RIMS2: variants seen among roughly 807,000 people sequenced by gnomAD.
The protein encoded by RIMS2 is regulating synaptic membrane exocytosis protein 2.
Under a neutral mutation model 174.4 loss-of-function variants are expected in RIMS2, and 59 were observed. The ratio of observed to expected loss-of-function variants is 0.34; its 90% CI spans 0.27 to 0.42. The LOEUF (loss-of-function observed/expected upper bound fraction) is 0.42. RIMS2 is among the 10% of genes least tolerant of loss of function. The pLI is 1.00. For missense variants in RIMS2, 1,620 were observed against 1,666.3 expected, an observed-to-expected ratio of 0.97 and a Z score of 0.48; for synonymous variants, 606 against 572.5, an observed-to-expected ratio of 1.06 and a Z score of -0.84.
At chr8:103,974,445 G>T (rs990025703) in intron 15 of RIMS2, among the ~76,000 whole-genome samples, 5 of 152,078 alleles carry the variant, frequency 3.3e-5, no homozygotes, top group Admixed American at 3.3e-4. Context: ...AAATTTTCAG[G>T]CTCTTTCCAT....
chr8:104,003,041 A>G (rs1429048981), intron 17 of RIMS2, among the ~76,000 whole-genome samples: 3 of 152,172 alleles, frequency 2.0e-5, no homozygotes, highest in East Asian at 3.8e-4. Context: ...TTATTAAAAT[A>G]TACCCTTTAT....
intron 3 of RIMS2, among the ~76,000 whole-genome samples, chr8:103,816,368 G>C (rs752284630): frequency 1.1e-4 from 16 of 152,120 alleles, no homozygotes; most frequent in African/African-American, 4.8e-5. Context: ...ATAACATGTA[G>C]GCATCCATTT....
At chr8:104,003,726 T>G (rs998900174) in intron 17 of RIMS2, among the ~76,000 whole-genome samples, 1 of 152,126 alleles carries the variant, frequency 6.6e-6, no homozygotes, top group Non-Finnish European at 1.5e-5. Context: ...AAGAATCTTA[T>G]ATACTCTTCA....
At chr8:103,655,153 G>C (rs2135936277) in intron 1 of RIMS2, among the ~76,000 whole-genome samples, 1 of 151,954 alleles carries the variant, frequency 6.6e-6, no homozygotes, top group Non-Finnish European at 1.5e-5. Context: ...CCTGAGATTT[G>C]AGGCATAGAA....
In RIMS2 at chr8:104,151,770, T is replaced by G. The variant is rs147870726; in HGVS notation, c.3335-93146T>G. Among the ~76,000 whole-genome samples the G allele has an allele frequency of 1.8e-3, 281 of 152,264 alleles. 4 individuals are homozygous for G. The highest frequency in any genetic ancestry group is 0.01 in the Middle Eastern group (3 of 294). On this transcript the variant is annotated intron_variant, in intron 19 of 23. Coordinates refer to ENST00000504942, the Ensembl canonical transcript of RIMS2. ...AGAGTTACAAAGTTTAGGTAATACTTAAACTCATGAACGTGGCTGAAATTG... is the reference window on the plus strand; with the variant it reads ...AGAGTTACAAAGTTTAGGTAATACTGAAACTCATGAACGTGGCTGAAATTG...
intron 1 of RIMS2, among the ~76,000 whole-genome samples, chr8:103,696,251 A>C (rs1447207159): frequency 2.0e-5 from 3 of 152,072 alleles, no homozygotes; most frequent in African/African-American, 7.2e-5. Context: ...AAATGAAGGA[A>C]TTCTTCATTT....
rs1172606971 is a variant in RIMS2 at position 103,876,880 on chromosome 8, A to ATTATATATATATATATATATATATAT, written c.699-8417_699-8416insTATATATATATATATATATATATATT. On this transcript the variant is annotated intron_variant, in intron 3 of 23. Coordinates refer to ENST00000504942, the Ensembl canonical transcript of RIMS2. ...CACACTATTTTATATATATATATAT[A>ATTATATATATATATATATATATATAT]TATATATATATATATATATATATAT... Among the ~76,000 whole-genome samples the ATTATATATATATATATATATATATAT allele has an allele frequency of 5.6e-5, 2 of 35,694 alleles. 1 individual carries two copies. Among genetic ancestry groups the ATTATATATATATATATATATATATAT allele is most frequent in the Non-Finnish European group, 1.3e-4 (2 of 15,634 alleles). The allele number at this position is 35,694 out of a possible 152,430, so 23.4% of individuals were successfully genotyped here. A position where few individuals can be genotyped will look rare whatever the true frequency, so the allele number is the denominator to read the frequency against.
At chr8:104,142,826 G>A (rs187466640) in intron 19 of RIMS2, among the ~76,000 whole-genome samples, 23 of 152,204 alleles carry the variant, frequency 1.5e-4, no homozygotes, top group African/African-American at 4.8e-4. Flanking sequence ...AGACACACGC[G>A]TGCACCCTCT....
chr8:103,832,563 G>A (rs921742914), intron 3 of RIMS2, among the ~76,000 whole-genome samples: 2 of 152,038 alleles, frequency 1.3e-5, no homozygotes, highest in African/African-American at 4.8e-5. Context: ...AAAGGCCCCA[G>A]TTTGTGTTGT....
At chr8:104,228,391 C>T (rs2099202894) in intron 19 of RIMS2, among the ~76,000 whole-genome samples, 1 of 152,130 alleles carries the variant, frequency 6.6e-6, no homozygotes, top group Non-Finnish European at 1.5e-5. Flanking sequence ...ATATCTTATT[C>T]TAGTCTTTGT....
At chr8:103,799,575 T>G (rs1198233008) in intron 3 of RIMS2, among the ~76,000 whole-genome samples, 1 of 152,196 alleles carries the variant, frequency 6.6e-6, no homozygotes, top group Non-Finnish European at 1.5e-5. Context: ...CTACTTGTAG[T>G]GCTTAAGGAT....
chr8:103,501,619 G>T (rs1819972017), intron 1 of RIMS2: 1 of 153,254 alleles, frequency 6.5e-6, no homozygotes, highest in African/African-American at 2.4e-5. Context: ...CGGGCTAGGG[G>T]CCTAAGCTCT....
intron 1 of RIMS2, among the ~76,000 whole-genome samples, chr8:103,645,495 G>T (rs1428429182): frequency 6.6e-6 from 1 of 152,118 alleles, no homozygotes. Flanking sequence ...TACAGTGTTA[G>T]GTATAGCCTT....
intron 3 of RIMS2, among the ~76,000 whole-genome samples, chr8:103,812,312 ATTATTACC>A (rs1389189504): frequency 7.5e-6 from 1 of 132,700 alleles, no homozygotes; most frequent in Non-Finnish European, 1.6e-5. Flanking sequence ...CATAGGTCAA[ATTATTACC>A]TTATTACCTT....
intron 1 of RIMS2, among the ~76,000 whole-genome samples, chr8:103,647,234 A>G (rs2096355662): frequency 6.6e-6 from 1 of 152,184 alleles, no homozygotes; most frequent in South Asian, 2.1e-4. Context: ...TCGGTTTGCC[A>G]GTATATTGCA....
chr8:104,014,449 G>A (rs1261686789), intron 18 of RIMS2, 57 bp from the exon 21 acceptor site: 7 of 901,294 alleles, frequency 7.8e-6, no homozygotes, highest in Non-Finnish European at 1.2e-5. Context: ...CCAAATGTAG[G>A]TATTAAAAAT....
chr8:104,008,437 ATATT>A (rs2095656947), intron 17 of RIMS2, among the ~76,000 whole-genome samples: 2 of 150,558 alleles, frequency 1.3e-5, no homozygotes, highest in South Asian at 4.2e-4. Context: ...AAAATTATAA[ATATT>A]TAATATACTA....
chr8:104,002,580 G>A (rs2095430075), intron 17 of RIMS2, among the ~76,000 whole-genome samples: 1 of 152,098 alleles, frequency 6.6e-6, no homozygotes, highest in Admixed American at 6.6e-5. Context: ...CGTTTTCAAG[G>A]TAGCATATAC....
chr8:104,037,590 C>G (rs1455745167), intron 19 of RIMS2, among the ~76,000 whole-genome samples: 6 of 152,058 alleles, frequency 3.9e-5, no homozygotes, highest in Non-Finnish European at 7.4e-5. Flanking sequence ...AAGTGTTTGT[C>G]TTTTTTAAGT....
Sources: gnomAD v4.1 joint callset for allele counts (sites outside exome capture counted in the v4.1 genomes callset) on GRCh38, gnomAD v4.1.1 for gene constraint, MANE v1.5 for transcripts, NCBI Gene and HGNC (gene_info 2026-07-23, HGNC 2026-07-21) for gene names.